The following DENND4A variants were observed in gnomAD, a reference collection of about 807,000 sequenced individuals.
The protein encoded by DENND4A is DENN domain containing 4A, also known as C-myc promoter-binding protein.
A neutral mutation model predicts 199.3 loss-of-function variants in DENND4A; 70 were observed. The ratio of observed to expected loss-of-function variants is 0.35; its 90% CI spans 0.29 to 0.43. The LOEUF is 0.43. DENND4A is among the 20% of genes least tolerant of loss of function. The pLI, the probability that DENND4A is intolerant of heterozygous loss-of-function variation, is 1.00. For synonymous variants in DENND4A, 686 were observed against 766.9 expected (o/e 0.89, Z 1.74); for missense variants, 1,723 against 2,255.8 (o/e 0.76, Z 4.78).
chr15:65,699,684 T>C (rs1201862696), intron 20 of DENND4A, among the ~76,000 whole-genome samples: 7 of 148,332 alleles, frequency 4.7e-5, no homozygotes, highest in Non-Finnish European at 1.0e-4. Context: ...TATATATATA[T>C]AAATTTTTTT....
At chr15:65,698,138 T>C (rs1392626328) in intron 20 of DENND4A, among the ~76,000 whole-genome samples, 2 of 152,104 alleles carry the variant, frequency 1.3e-5, no homozygotes, top group Non-Finnish European at 2.9e-5. Context: ...CATGCACCTA[T>C]AGACACTTCT....
At chr15:65,709,719 A>ATATAT (rs1555422996) in intron 14 of DENND4A, among the ~76,000 whole-genome samples, 9 of 51,480 alleles carry the variant, frequency 1.7e-4, no homozygotes, top group African/African-American at 5.0e-4. Context: ...AAAAAAAAAA[A>ATATAT]ATATATATAT....
chr15:65,766,032 C>T (rs1363723247), intron 1 of DENND4A, among the ~76,000 whole-genome samples: 13 of 152,150 alleles, frequency 8.5e-5, no homozygotes, highest in African/African-American at 2.9e-4. Flanking sequence ...AGGTGGATCA[C>T]GAGGTCAGGA....
At chr15:65,791,650 G>A (rs896593810) in intron 1 of DENND4A, among the ~76,000 whole-genome samples, 17 of 151,930 alleles carry the variant, frequency 1.1e-4, no homozygotes, top group Non-Finnish European at 2.9e-5. Context: ...AGCCACCTCC[G>A]ACTTACGTAA....
At chr15:65,689,818 A>C (rs181235843) in intron 23 of DENND4A, among the ~76,000 whole-genome samples, 1 of 152,300 alleles carries the variant, frequency 6.6e-6, no homozygotes, top group East Asian at 1.9e-4. Context: ...AAAACTTCTG[A>C]TAAGGGAAAG....
intron 6 of DENND4A, among the ~76,000 whole-genome samples, chr15:65,738,377 T>C (rs574025078): frequency 6.6e-5 from 10 of 152,272 alleles, no homozygotes; most frequent in African/African-American, 2.2e-4. Flanking sequence ...CCAAGGTCCC[T>C]TCCAACTATC....
At chr15:65,673,714 C>G (rs2076287342) in intron 24 of DENND4A, among the ~76,000 whole-genome samples, 2 of 151,884 alleles carry the variant, frequency 1.3e-5, no homozygotes, top group Admixed American at 1.3e-4. Context: ...AGAAAACGAG[C>G]TGAAATCTCA....
chr15:65,722,000 A>T lies in DENND4A; in HGVS notation c.1588+848T>A, dbSNP rs549615377. ...TCATTTTGATTAATTTCTTAATGCT[A>T]TTGGCAAACTTCGATTTTCAAACTT... On this transcript the variant is annotated intron_variant, in intron 12 of 32. Coordinates refer to ENST00000443035, the MANE Select transcript of DENND4A (RefSeq NM_001320835.1). Among the ~76,000 whole-genome samples the T allele has an allele frequency of 2.0e-4, 31 of 152,302 alleles. No homozygotes were observed. The East Asian group carries it at 4.0e-3, about 20-fold the overall frequency.
intron 1 of DENND4A, among the ~76,000 whole-genome samples, chr15:65,791,666 T>G (rs2141047383): frequency 6.6e-6 from 1 of 151,966 alleles, no homozygotes; most frequent in East Asian, 1.9e-4. Flanking sequence ...CGTAACGGGC[T>G]TGTCAAAATC....
rs560906056 is a variant in DENND4A, at chr15:65,711,037, T to A, written c.1953+4441A>T. ...AGGGGCAAATTAAACCTCTTTTTTT[T>A]ATTAGTTCTCCAGATGCAGGTATTT... On this transcript the variant is annotated intron_variant, in intron 14 of 32. Transcript: ENST00000443035. Among the ~76,000 whole-genome samples the A allele has an allele frequency of 1.7e-3, 261 of 152,304 alleles. 1 individual carries two copies. The highest frequency in any genetic ancestry group is 5.8e-3 in the African/African-American group (240 of 41,564).
At chr15:65,740,490 C>T (rs1220800454) in intron 5 of DENND4A, among the ~76,000 whole-genome samples, 3 of 150,760 alleles carry the variant, frequency 2.0e-5, no homozygotes, top group Non-Finnish European at 4.4e-5. Flanking sequence ...GTGGCACATG[C>T]CACCATGTAC....
intron 2 of DENND4A, among the ~76,000 whole-genome samples, chr15:65,757,759 G>A (rs2076746348): frequency 6.6e-6 from 1 of 152,190 alleles, no homozygotes; most frequent in South Asian, 2.1e-4. Flanking sequence ...GAGGAGGGCA[G>A]ATTACCTGAG....
rs573935476 is a variant in DENND4A, at chr15:65,746,369, C to CTTTTT, written c.562-4590_562-4586dup. Among the ~76,000 whole-genome samples, 307 of 51,316 alleles carry CTTTTT rather than the reference C, an allele frequency of 6.0e-3. 27 individuals carry two copies. The highest frequency in any genetic ancestry group is 8.3e-3 in the Non-Finnish European group (229 of 27,596). 33.7% of individuals were successfully genotyped at this position (51,316 alleles called of 152,430 possible). A position where few individuals can be genotyped will look rare whatever the true frequency, so the allele number is the denominator to read the frequency against. On this transcript the variant is annotated intron_variant, in intron 4 of 32. Transcript: ENST00000443035. Reference sequence around the variant, plus strand: ...CTTGTTAACAATTCTACTTTTTTCTCTTTTTTTTTTTTTTTTTTTTTTTTT... The same window carrying CTTTTT: ...CTTGTTAACAATTCTACTTTTTTCTCTTTTTTTTTTTTTTTTTTTTTTTTTTTTTT...
intron 1 of DENND4A, among the ~76,000 whole-genome samples, chr15:65,765,765 A>G (rs1323048467): frequency 6.6e-6 from 1 of 152,192 alleles, no homozygotes; most frequent in South Asian, 2.1e-4. Flanking sequence ...CCATGTATCC[A>G]TTACCAAAGA....
At chr15:65,716,919 C>T (rs1444933234) in intron 13 of DENND4A, among the ~76,000 whole-genome samples, 2 of 152,186 alleles carry the variant, frequency 1.3e-5, no homozygotes, top group East Asian at 3.9e-4. Context: ...TGTTTCCTGA[C>T]TTTTTAATGA....
chr15:65,680,111 C>T (rs2076521501), intron 23 of DENND4A, among the ~76,000 whole-genome samples: 1 of 152,216 alleles, frequency 6.6e-6, no homozygotes, highest in African/African-American at 2.4e-5. Context: ...CCTAGCCTAA[C>T]TATTCCTTAA....
At chr15:65,684,481 T>A in intron 23 of DENND4A, among the ~76,000 whole-genome samples, 1 of 152,244 alleles carries the variant, frequency 6.6e-6, no homozygotes, top group East Asian at 1.9e-4. Flanking sequence ...ATGTTGAACA[T>A]GTTTCATGTG....
At chr15:65,763,286 G>T (rs150305775) in intron 1 of DENND4A, among the ~76,000 whole-genome samples, 2 of 152,184 alleles carry the variant, frequency 1.3e-5, no homozygotes, top group African/African-American at 4.8e-5. Context: ...CCAGGAAACA[G>T]GAGCAGCTAC....
chr15:65,754,455 T>C (rs2076649069), intron 3 of DENND4A, among the ~76,000 whole-genome samples: 1 of 152,214 alleles, frequency 6.6e-6, no homozygotes, highest in African/African-American at 2.4e-5. Flanking sequence ...AATCTAAACA[T>C]TTTGGCTTCA....
Sources: allele counts gnomAD v4.1 joint callset (sites outside exome capture counted in the v4.1 genomes callset), GRCh38; gene constraint gnomAD v4.1.1; transcripts MANE v1.5; gene names NCBI Gene and HGNC (gene_info 2026-07-23, HGNC 2026-07-21).